The following RELN variants were observed in gnomAD, a reference collection of about 807,000 sequenced individuals.
The protein encoded by RELN is reelin.
RELN carries 108 observed loss-of-function variants against 427.6 expected under a neutral mutation model. The observed-to-expected ratio is 0.25, with a 90% CI of 0.22 to 0.30. The LOEUF is 0.30. Ranked by LOEUF, RELN falls within the 10% of genes least tolerant of loss-of-function variation. The probability of loss-of-function intolerance (pLI) is 1.00; values close to 1 mark genes in which losing one functional copy is unlikely to be tolerated. For synonymous variants in RELN, 1,524 were observed against 1,513.4 expected, an observed-to-expected ratio of 1.01 and a Z score of -0.16; for missense variants, 3,715 against 4,302.8, an observed-to-expected ratio of 0.86 and a Z score of 3.82.
intron 19 of RELN, among the ~76,000 whole-genome samples, chr7:103,633,903 T>G (rs1369507933): frequency 6.6e-6 from 1 of 152,108 alleles, no homozygotes; most frequent in African/African-American, 2.4e-5. Flanking sequence ...AGGATTCATT[T>G]GTCTCTACTC....
chr7:103,501,024 A>G, intron 52 of RELN, 102 bp from the exon 53 acceptor site: 1 of 1,027,636 alleles, frequency 9.7e-7, no homozygotes, highest in Non-Finnish European at 1.5e-6. Context: ...AAAACATTTA[A>G]GATACTCTTA....
rs115194543 is a variant in RELN at position 103,799,715 on chromosome 7, G to A, written c.474-23088C>T. 4.5e-3 allele frequency among the ~76,000 whole-genome samples: 686 copies of A among 152,174 alleles called. 11 individuals carry two copies. The highest frequency in any genetic ancestry group is 0.016 in the African/African-American group (654 of 41,492). Reference sequence around the variant, plus strand: ...CTGTAACTTTGACTCTTCTTTCATGGCATTTGTCACAGTTATAATTAAGCG... The same window carrying A: ...CTGTAACTTTGACTCTTCTTTCATGACATTTGTCACAGTTATAATTAAGCG... On this transcript the variant is annotated intron_variant, in intron 3 of 64. Transcript: ENST00000428762.
At chr7:103,492,978 G>T (rs1828718973) in intron 57 of RELN, among the ~76,000 whole-genome samples, 1 of 152,190 alleles carries the variant, frequency 6.6e-6, no homozygotes, top group South Asian at 2.1e-4. Context: ...TCAGAGATGA[G>T]GTTAGAATGA....
chr7:103,593,191 T>C (rs1172855139), intron 27 of RELN, among the ~76,000 whole-genome samples: 1 of 152,190 alleles, frequency 6.6e-6, no homozygotes, highest in African/African-American at 2.4e-5. Context: ...TACATGTTGA[T>C]ATGTTATCAC....
chr7:103,959,738 G>A (rs957828801), intron 1 of RELN, among the ~76,000 whole-genome samples: 1 of 151,928 alleles, frequency 6.6e-6, no homozygotes, highest in African/African-American at 2.4e-5. Context: ...AGTTTCCCCA[G>A]TAGCTGGGAC....
At chr7:103,593,534 G>T in intron 27 of RELN, 148 bp downstream of exon 27, 1 of 726,518 alleles carries the variant, frequency 1.4e-6, no homozygotes, top group South Asian at 1.6e-5. Flanking sequence ...GAAAAGCTTC[G>T]CAATTCTAAC....
intron 2 of RELN, among the ~76,000 whole-genome samples, chr7:103,886,016 C>T (rs555390633): frequency 1.4e-4 from 22 of 151,908 alleles, no homozygotes; most frequent in African/African-American, 1.9e-4. Flanking sequence ...TTATTTGTAA[C>T]GGTGAAAGTA....
intron 3 of RELN, among the ~76,000 whole-genome samples, chr7:103,809,444 C>G (rs1254475213): frequency 6.7e-6 from 1 of 148,480 alleles, no homozygotes; most frequent in Non-Finnish European, 1.5e-5. Context: ...CTACAGGCCT[C>G]GCGAGCAGCC....
chr7:103,758,128 C>A (rs532506410), intron 4 of RELN, among the ~76,000 whole-genome samples: 1 of 152,260 alleles, frequency 6.6e-6, no homozygotes, highest in Non-Finnish European at 1.5e-5. Context: ...AACTTTAAAT[C>A]TCATTCAGAA....
At chr7:103,768,527 C>T (rs567747869) in intron 4 of RELN, among the ~76,000 whole-genome samples, 2 of 152,322 alleles carry the variant, frequency 1.3e-5, no homozygotes, top group East Asian at 3.9e-4. Context: ...AGCAGCCACA[C>T]TGCCTCATCA....
intron 51 of RELN, among the ~76,000 whole-genome samples, chr7:103,503,996 G>C (rs924981804): frequency 6.6e-6 from 1 of 151,900 alleles, no homozygotes; most frequent in African/African-American, 2.4e-5. Context: ...ACGAGGTCAG[G>C]AGTTTGAGAC....
intron 2 of RELN, among the ~76,000 whole-genome samples, chr7:103,867,826 AT>A (rs1053511719): frequency 6.6e-6 from 1 of 151,698 alleles, no homozygotes; most frequent in Non-Finnish European, 1.5e-5. Flanking sequence ...AAAATGACCG[AT>A]TTTTTTTCTG....
At chr7:103,486,438 C>A in intron 60 of RELN, 22 bp from the exon 61 acceptor site, 1 of 1,587,198 alleles carries the variant, frequency 6.3e-7, no homozygotes, top group Non-Finnish European at 8.6e-7. Context: ...GGAGCAGTCA[C>A]AGAAATTAAG....
intron 2 of RELN, among the ~76,000 whole-genome samples, chr7:103,892,900 T>C (rs7779050): frequency 0.4 from 60,693 of 151,838 alleles, 13,019 homozygotes; most frequent in East Asian, 0.76. Context: ...TTCACAAATA[T>C]AACAGGAAAG....
chr7:103,709,374 C>T (rs756885761), intron 8 of RELN, among the ~76,000 whole-genome samples: 13 of 152,174 alleles, frequency 8.5e-5, no homozygotes, highest in African/African-American at 2.9e-4. Context: ...GTATAAATTA[C>T]AATTGGTTAA....
At chr7:103,814,777 AC>A in intron 3 of RELN, among the ~76,000 whole-genome samples, 1 of 151,796 alleles carries the variant, frequency 6.6e-6, no homozygotes, top group African/African-American at 2.4e-5. Context: ...GACAGAGCTC[AC>A]CCCTCTCTGG....
intron 17 of RELN, among the ~76,000 whole-genome samples, chr7:103,637,847 T>C (rs1832616203): frequency 6.6e-6 from 1 of 152,182 alleles, no homozygotes; most frequent in Non-Finnish European, 1.5e-5. Context: ...TAATTTTCCT[T>C]AGCAAGACTA....
At chr7:103,792,575 G>T (rs1053547861) in intron 3 of RELN, among the ~76,000 whole-genome samples, 1 of 151,336 alleles carries the variant, frequency 6.6e-6, no homozygotes, top group Non-Finnish European at 1.5e-5. Context: ...GGGGGATGGG[G>T]GGATGGGGAA....
At chr7:103,527,363 G>A (rs2117102383) in intron 46 of RELN, among the ~76,000 whole-genome samples, 1 of 152,268 alleles carries the variant, frequency 6.6e-6, no homozygotes, top group African/African-American at 2.4e-5. Context: ...TTCTACCGAA[G>A]ACGACGATGA....
Sources: gnomAD v4.1 joint callset for allele counts (sites outside exome capture counted in the v4.1 genomes callset) on GRCh38, gnomAD v4.1.1 for gene constraint, MANE v1.5 for transcripts, NCBI Gene and HGNC (gene_info 2026-07-23, HGNC 2026-07-21) for gene names.